Variants in HGF observed in about 807,000 individuals in gnomAD.
The protein encoded by HGF is fibroblast-derived tumor cytotoxic factor.
Under a neutral mutation model 111.6 loss-of-function variants are expected in HGF, and 39 were observed. That is an observed-to-expected ratio of 0.35 (90% CI 0.27 to 0.46). The LOEUF (loss-of-function observed/expected upper bound fraction) is 0.46. Ranked by LOEUF, HGF falls within the 20% of genes least tolerant of loss-of-function variation. HGF has a pLI of 1.00. For missense variants in HGF, 735 were observed against 910.5 expected, an observed-to-expected ratio of 0.81 and a Z score of 2.48; for synonymous variants, 285 against 294.8, an observed-to-expected ratio of 0.97 and a Z score of 0.34.
At chr7:81,708,735 A>C (rs1583918335) in intron 13 of HGF, among the ~76,000 whole-genome samples, 1 of 150,210 alleles carries the variant, frequency 6.7e-6, no homozygotes, top group African/African-American at 2.4e-5. Context: ...GAGCCACCAC[A>C]CCCAGCCTCT....
At chr7:81,734,309 A>G (rs1787756801) in intron 7 of HGF, among the ~76,000 whole-genome samples, 1 of 152,164 alleles carries the variant, frequency 6.6e-6, no homozygotes, top group Non-Finnish European at 1.5e-5. Flanking sequence ...TGTAATCATC[A>G]GTGGTCTATG....
In HGF at chr7:81,700,663, T is replaced by G. The variant is rs1006935356; in HGVS notation, c.*1918A>C. On this transcript the variant is annotated 3_prime_UTR_variant, in exon 18 of 18. Coordinates refer to ENST00000222390, the MANE Select transcript of HGF (RefSeq NM_000601.6). The stretch of plus-strand genomic sequence containing the variant: ...TATTTTGGCAATATGCTCTTGAAAT[T>G]TCTAGGAGTTCTTACTAAAATGGTG... 1.3e-5 allele frequency: 2 copies of G among 150,978 alleles called. No individual in the cohort carries two copies. The highest frequency in any genetic ancestry group is 4.9e-5 in the African/African-American group (2 of 40,840). 9.4% of individuals were successfully genotyped at this position (150,978 alleles called of 1,614,324 possible). A position where few individuals can be genotyped will look rare whatever the true frequency, so the allele number is the denominator to read the frequency against.
At chr7:81,725,514 C>A (rs2115900793) in intron 9 of HGF, among the ~76,000 whole-genome samples, 1 of 152,214 alleles carries the variant, frequency 6.6e-6, no homozygotes, top group African/African-American at 2.4e-5. Context: ...AAGAGCAGCA[C>A]CCCTCTTTTC....
rs967469572 is a variant in HGF at position 81,757,306 on chromosome 7, A to G, written c.368-3T>C. On this transcript the variant is annotated splice_polypyrimidine_tract_variant and splice_region_variant and intron_variant, in intron 3 of 17. Transcript: ENST00000222390. The stretch of plus-strand genomic sequence containing the variant: ...AATGATGCAGTTTCTAATGTAGTCT[A>G]TTGAAGAAAGTAGATAAAATTATTG... The G allele has an allele frequency of 3.4e-6, 5 of 1,478,952 alleles. No homozygotes were observed. The highest frequency in any genetic ancestry group is 2.8e-5 in the African/African-American group (2 of 72,332). The allele number at this position is 1,478,952 out of a possible 1,614,324, so 91.6% of individuals were successfully genotyped here.
At position 81,702,722 on chromosome 7, in the gene HGF, A is replaced by G; in HGVS notation, c.2046T>C (p.His682=). 1 of 1,611,776 alleles carries G rather than the reference A, an allele frequency of 6.2e-7. No homozygotes were observed. ...TGACACCAAGAACCATTCTCATTTTATGTTGCTCACAAACAAGTGGGCCAC... is the reference window on the plus strand; with the variant it reads ...TGACACCAAGAACCATTCTCATTTTGTGTTGCTCACAAACAAGTGGGCCAC... ...DYGGPLVCEQ[H]KMRMVLGVIV... is the part of the protein sequence containing the mutation. Residue 682 remains histidine, a synonymous_variant, in exon 18 of 18, where the codon CAT becomes CAC. Transcript: ENST00000222390.
At chr7:81,751,468 A>G (rs1788493497) in intron 5 of HGF, 1 of 959,986 alleles carries the variant, frequency 1.0e-6, no homozygotes, top group Non-Finnish European at 1.2e-6. Context: ...CTGTGAGAAG[A>G]GCTGAAAACA....
chr7:81,720,374 C>A lies in HGF; in HGVS notation c.1271+371G>T, dbSNP rs140511804. Among the ~76,000 whole-genome samples the A allele has an allele frequency of 3.5e-4, 54 of 152,200 alleles. No homozygotes were observed. The East Asian group carries it at 0.01, about 29-fold the overall frequency. Reference sequence around the variant, plus strand: ...CCCATAACATGCAATATTTCAAACACCAGATTTGCCACTTACTTATACACT... The same window carrying A: ...CCCATAACATGCAATATTTCAAACAACAGATTTGCCACTTACTTATACACT... On this transcript the variant is annotated intron_variant, in intron 10 of 17. Coordinates refer to ENST00000222390, the MANE Select transcript of HGF (RefSeq NM_000601.6).
In HGF at chr7:81,754,959, A is replaced by G. The variant is rs1788689575; in HGVS notation, c.482+2230T>C. Among the ~76,000 whole-genome samples the G allele has an allele frequency of 2.0e-5, 3 of 152,138 alleles. No individual in the cohort carries two copies. The South Asian group carries it at 6.2e-4, about 31-fold the overall frequency. The stretch of plus-strand genomic sequence containing the variant: ...TCCTTGCTGTTGGCAAGGCTTTAAG[A>G]GAGACAAGTGAGGAAATGTTTAAAA... On this transcript the variant is annotated intron_variant, in intron 4 of 17. Coordinates refer to ENST00000222390, the MANE Select transcript of HGF (RefSeq NM_000601.6).
At chr7:81,744,110 C>T (rs997113297) in intron 6 of HGF, among the ~76,000 whole-genome samples, 4 of 152,000 alleles carry the variant, frequency 2.6e-5, no homozygotes, top group African/African-American at 7.2e-5. Flanking sequence ...TTAAAAATAA[C>T]ACCAAACAAA....
intron 8 of HGF, among the ~76,000 whole-genome samples, chr7:81,727,328 C>T (rs1790044646): frequency 2.0e-5 from 3 of 152,014 alleles, no homozygotes; most frequent in Admixed American, 1.3e-4. Flanking sequence ...CAGGCATGAG[C>T]CACCGCACCC....
intron 7 of HGF, among the ~76,000 whole-genome samples, chr7:81,734,087 C>T (rs1165429927): frequency 6.6e-6 from 1 of 152,080 alleles, no homozygotes; most frequent in African/African-American, 2.4e-5. Context: ...AACACAGAAA[C>T]ATTCCCAAAT....
Position 81,757,174 on chromosome 7 carries a change from T to A in HGF, c.482+15A>T. On this transcript the variant is annotated intron_variant, in intron 4 of 17. Coordinates refer to ENST00000222390, the MANE Select transcript of HGF (RefSeq NM_000601.6). ...AAGACAGAGGCTTCATCTCTTTTCT[T>A]CATACTGTTCTTACCTGTGTTCGTG... is the stretch of plus-strand genomic sequence containing the variant. The A allele has an allele frequency of 7.9e-7, 1 of 1,269,888 alleles. No individual in the cohort carries two copies. The highest frequency in any genetic ancestry group is 1.2e-6 in the Non-Finnish European group (1 of 865,754). 78.7% of individuals were successfully genotyped at this position (1,269,888 alleles called of 1,614,324 possible).
chr7:81,757,783 G>A (rs1788853558), intron 3 of HGF, among the ~76,000 whole-genome samples: 1 of 151,486 alleles, frequency 6.6e-6, no homozygotes, highest in Non-Finnish European at 1.5e-5. Context: ...CCATATTTTT[G>A]CAAACATTTC....
intron 11 of HGF, among the ~76,000 whole-genome samples, chr7:81,713,987 T>C (rs867085342): frequency 5.4e-4 from 60 of 111,682 alleles, no homozygotes; most frequent in Admixed American, 1.4e-3. Context: ...GGGGTGTGTG[T>C]GCGTGTGTGT....
intron 10 of HGF, among the ~76,000 whole-genome samples, chr7:81,719,940 G>C (rs1187962869): frequency 1.3e-5 from 2 of 152,090 alleles, no homozygotes; most frequent in African/African-American, 4.8e-5. Flanking sequence ...ATGTAAAGCA[G>C]CCATGTTATA....
intron 5 of HGF, among the ~76,000 whole-genome samples, chr7:81,748,929 G>T (rs1368274313): frequency 6.6e-6 from 1 of 152,124 alleles, no homozygotes; most frequent in Non-Finnish European, 1.5e-5. Flanking sequence ...AGTGATATGA[G>T]TATACAGACT....
Position 81,756,177 on chromosome 7 carries a change from T to C in HGF, c.482+1012A>G, listed in dbSNP as rs1266641874. On this transcript the variant is annotated intron_variant, in intron 4 of 17. Coordinates refer to ENST00000222390, the MANE Select transcript of HGF (RefSeq NM_000601.6). ...GGTGACTGGGCTTATATTCTGGCCA[T>C]GTCACTTCCTAGTTGTGCATGACAC... is the stretch of plus-strand genomic sequence containing the variant. 4 of 608,224 alleles carry C rather than the reference T, an allele frequency of 6.6e-6. No individual in the cohort carries two copies. In the East Asian group the frequency reaches 8.5e-5, roughly 13 times the overall value. 37.7% of individuals were successfully genotyped at this position (608,224 alleles called of 1,614,324 possible).
chr7:81,702,712 T>A lies in HGF; in HGVS notation c.2056A>T (p.Met686Leu). Reference sequence around the variant, plus strand: ...CCAGGAACAATGACACCAAGAACCATTCTCATTTTATGTTGCTCACAAACA... The same window carrying A: ...CCAGGAACAATGACACCAAGAACCAATCTCATTTTATGTTGCTCACAAACA... ...PLVCEQHKMR[M>L]VLGVIVPGRG... Residue 686 changes from methionine (M) to leucine (L), a missense_variant, in exon 18 of 18, where the codon ATG (methionine) becomes TTG (leucine). This residue lies in a region of HGF where 52 missense variants were observed against 95.0 expected (regional missense o/e 0.55). Transcript: ENST00000222390. 1 of 1,611,734 alleles carries A rather than the reference T, an allele frequency of 6.2e-7. No individual in the cohort carries two copies. Among genetic ancestry groups the A allele is most frequent in the Non-Finnish European group, 8.5e-7 (1 of 1,178,434 alleles).
rs1443711585 is a variant in HGF at position 81,762,798 on chromosome 7, G to C, written c.163C>G (p.Pro55Ala). 6.2e-7 allele frequency: 1 copy of C among 1,602,552 alleles called. No individual in the cohort carries two copies. Among genetic ancestry groups the C allele is most frequent in the African/African-American group, 1.3e-5 (1 of 74,628 alleles). Residue 55 changes from proline (P) to alanine (A), a missense_variant, in exon 2 of 18, where the codon CCA becomes GCA. Physicochemically the swap from Pro to Ala is conservative, Grantham distance 27 (BLOSUM62 -1). Transcript: ENST00000222390. Reference protein sequence around the residue: ...SAKTTLIKIDPALKIKTKKVN... With the variant: ...SAKTTLIKIDAALKIKTKKVN... The stretch of plus-strand genomic sequence containing the variant: ...TTTTTGGTTTTTATCTTCAGTGCTG[G>C]ATCTATTTTGATTAGGGTAGTCTTT...
Sources: allele counts gnomAD v4.1 joint callset (sites outside exome capture counted in the v4.1 genomes callset), GRCh38; gene constraint gnomAD v4.1.1; regional missense constraint gnomAD v4.1.1; transcripts MANE v1.5; gene names NCBI Gene and HGNC (gene_info 2026-07-23, HGNC 2026-07-21).